Variants in RFX2 observed in about 807,000 individuals in gnomAD.
RFX2 encodes the protein regulatory factor X2, also known as DNA-binding protein RFX2.
RFX2 carries 20 observed loss-of-function variants against 87.8 expected under a neutral mutation model. That is an observed-to-expected ratio of 0.23 (90% CI 0.16 to 0.33). The LOEUF (loss-of-function observed/expected upper bound fraction) is 0.33. Ranked by LOEUF, RFX2 falls within the 10% of genes least tolerant of loss-of-function variation. The pLI, the probability that RFX2 is intolerant of heterozygous loss-of-function variation, is 1.00. For missense variants in RFX2, 767 were observed against 1,012.3 expected, an observed-to-expected ratio of 0.76 and a Z score of 3.29; for synonymous variants, 397 against 431.3, an observed-to-expected ratio of 0.92 and a Z score of 0.98.
rs2086892988 is a variant in RFX2 at position 6,026,706 on chromosome 19, G to C, written c.523-469C>G. 5.5e-6 allele frequency: 1 copy of C among 181,638 alleles called. No individual in the cohort carries two copies. The highest frequency in any genetic ancestry group is 2.4e-5 in the African/African-American group (1 of 41,656). 11.3% of individuals were successfully genotyped at this position (181,638 alleles called of 1,614,324 possible). A position where few individuals can be genotyped will look rare whatever the true frequency, so the allele number is the denominator to read the frequency against. On this transcript the variant is annotated intron_variant, in intron 5 of 17. Transcript: ENST00000303657. The surrounding 1 kb of genome is among the most constrained non-coding windows in gnomAD (Gnocchi z 4.5). Reference sequence around the variant, plus strand: ...CCAGGCTGTCCTGTCGCAAATCCCAGGGTCTCCCCGCTGCTGGAGGCTTTG... The same window carrying C: ...CCAGGCTGTCCTGTCGCAAATCCCACGGTCTCCCCGCTGCTGGAGGCTTTG...
chr19:6,001,429 G>GT lies in RFX2; in HGVS notation c.1859+385dup, dbSNP rs2086488606. 6.6e-6 allele frequency among the ~76,000 whole-genome samples: 1 copy of GT among 152,090 alleles called. No individual in the cohort carries two copies. Among genetic ancestry groups the GT allele is most frequent in the East Asian group, 1.9e-4 (1 of 5,188 alleles). ...GGCACATGCCACCACGTCCAGCTAA[G>GT]TTTTTTTACTTTTTGTAGAGGTCCT... On this transcript the variant is annotated intron_variant, in intron 15 of 17. Coordinates refer to ENST00000303657, the MANE Select transcript of RFX2 (RefSeq NM_000635.4). This position sits in a 1 kb window ranked among gnomAD's most constrained non-coding sequence, Gnocchi z 5.6.
Position 5,997,387 on chromosome 19 carries a change from T to C in RFX2, c.1860-174A>G. On this transcript the variant is annotated intron_variant, in intron 15 of 17. Coordinates refer to ENST00000303657, the MANE Select transcript of RFX2 (RefSeq NM_000635.4). This position sits in a 1 kb window ranked among gnomAD's most constrained non-coding sequence, Gnocchi z 4.2. ...GGGGGCTGACGGGCTGCCGAGACCCTGGGCCCACGTGACGGACAGGTGGGG... is the reference window on the plus strand; with the variant it reads ...GGGGGCTGACGGGCTGCCGAGACCCCGGGCCCACGTGACGGACAGGTGGGG... The C allele has an allele frequency of 1.4e-6, 1 of 700,152 alleles. No individual in the cohort carries two copies. The highest frequency in any genetic ancestry group is 2.3e-6 in the Non-Finnish European group (1 of 442,076). 43.4% of individuals were successfully genotyped at this position (700,152 alleles called of 1,614,324 possible).
rs559380091 is a variant in RFX2, at chr19:6,047,678, A to G, written c.-8-174T>C. On this transcript the variant is annotated intron_variant, in intron 1 of 17. Coordinates refer to ENST00000303657, the MANE Select transcript of RFX2 (RefSeq NM_000635.4). This position sits in a 1 kb window ranked among gnomAD's most constrained non-coding sequence, Gnocchi z 4.2. Reference sequence around the variant, plus strand: ...AGGAGCTGCGGAAACAGGCTGCACAACTGTCCCACAGAAGGAGAGAGGGGC... The same window carrying G: ...AGGAGCTGCGGAAACAGGCTGCACAGCTGTCCCACAGAAGGAGAGAGGGGC... Among the ~76,000 whole-genome samples, 12 of 152,332 alleles carry G rather than the reference A, an allele frequency of 7.9e-5. No individual in the cohort carries two copies. The highest frequency in any genetic ancestry group is 1.6e-4 in the Non-Finnish European group (11 of 68,016).
At chr19:6,059,141 G>A (rs1056166704) in intron 1 of RFX2, among the ~76,000 whole-genome samples, 33 of 152,090 alleles carry the variant, frequency 2.2e-4, no homozygotes, top group African/African-American at 2.2e-4. Flanking sequence ...CAGCACGCCC[G>A]GCTAATTTTT....
intron 7 of RFX2, among the ~76,000 whole-genome samples, chr19:6,015,378 G>T (rs777250551): frequency 6.6e-6 from 1 of 151,990 alleles, no homozygotes. Context: ...GCAGTGAGCC[G>T]AGATGACGCC....
chr19:6,026,375 G>A lies in RFX2; in HGVS notation c.523-138C>T. The A allele has an allele frequency of 1.4e-6, 1 of 734,192 alleles. No homozygotes were observed. The highest frequency in any genetic ancestry group is 2.3e-6 in the Non-Finnish European group (1 of 443,902). 45.5% of individuals were successfully genotyped at this position (734,192 alleles called of 1,614,324 possible). ...CGAGCTCCTACAAAATAAAAATGAG[G>A]CTCCACGCAGGCAGGGCGGGGGTGA... On this transcript the variant is annotated intron_variant, in intron 5 of 17. Coordinates refer to ENST00000303657, the MANE Select transcript of RFX2 (RefSeq NM_000635.4). The surrounding 1 kb of genome is among the most constrained non-coding windows in gnomAD (Gnocchi z 4.5).
chr19:6,007,239 AGAGCCG>A lies in RFX2; in HGVS notation c.1248-79_1248-74del. 1.3e-6 allele frequency: 2 copies of A among 1,509,526 alleles called. No homozygotes were observed. The highest frequency in any genetic ancestry group is 2.4e-5 in the South Asian group (2 of 84,106). 93.5% of individuals were successfully genotyped at this position (1,509,526 alleles called of 1,614,324 possible). A position where few individuals can be genotyped will look rare whatever the true frequency, so the allele number is the denominator to read the frequency against. ...CTCACTCAGCCACGGGAGCGAGCAG[AGAGCCG>A]GGCTGCGGGACTTTTGCCCAACAGT... is the stretch of plus-strand genomic sequence containing the variant. On this transcript the variant is annotated intron_variant, in intron 11 of 17. Coordinates refer to ENST00000303657, the MANE Select transcript of RFX2 (RefSeq NM_000635.4). This position sits in a 1 kb window ranked among gnomAD's most constrained non-coding sequence, Gnocchi z 8.2.
At chr19:6,030,742 TA>T (rs2086944123) in intron 5 of RFX2, among the ~76,000 whole-genome samples, 1 of 152,362 alleles carries the variant, frequency 6.6e-6, no homozygotes, top group East Asian at 1.9e-4. Context: ...TGGTGAATTT[TA>T]TGTTACATAC....
At chr19:6,028,046 G>A (rs2086912614) in intron 5 of RFX2, among the ~76,000 whole-genome samples, 1 of 152,134 alleles carries the variant, frequency 6.6e-6, no homozygotes, top group Non-Finnish European at 1.5e-5. Flanking sequence ...ACAGGCATAA[G>A]CTACCACACC....
At chr19:6,014,732 C>A (rs1026731967) in intron 7 of RFX2, among the ~76,000 whole-genome samples, 9 of 152,210 alleles carry the variant, frequency 5.9e-5, no homozygotes, top group Non-Finnish European at 1.2e-4. Flanking sequence ...GACCAGGCTT[C>A]CCTGTGGCTT....
chr19:6,038,773 A>T (rs891594767), intron 5 of RFX2, among the ~76,000 whole-genome samples: 1 of 152,208 alleles, frequency 6.6e-6, no homozygotes, highest in Non-Finnish European at 1.5e-5. Flanking sequence ...ACAATGAGGT[A>T]CCACCACACA....
chr19:5,997,661 C>T lies in RFX2; in HGVS notation c.1860-448G>A, dbSNP rs1206758888. On this transcript the variant is annotated intron_variant, in intron 15 of 17. Transcript: ENST00000303657. The surrounding 1 kb of genome is among the most constrained non-coding windows in gnomAD (Gnocchi z 4.2). ...CCTTCCCCGTATCCTTGCCACCTCC[C>T]GCCATTCCTCAGCCTGTGGTTTCAG... Among the ~76,000 whole-genome samples the T allele has an allele frequency of 3.3e-5, 5 of 152,280 alleles. No individual in the cohort carries two copies. Among genetic ancestry groups the T allele is most frequent in the South Asian group, 2.1e-4 (1 of 4,816 alleles).
At position 6,056,250 on chromosome 19, in the gene RFX2, C is replaced by A. The variant is rs2087338974; in HGVS notation, c.-8-8746G>T. ...AGGACGGAGAGTGGGTACAGGTATC[C>A]AGGTGTTATAAGAATGGCAGGACCC... is the stretch of plus-strand genomic sequence containing the variant. On this transcript the variant is annotated intron_variant, in intron 1 of 17. Coordinates refer to ENST00000303657, the MANE Select transcript of RFX2 (RefSeq NM_000635.4). This position sits in a 1 kb window ranked among gnomAD's most constrained non-coding sequence, Gnocchi z 4.6. Among the ~76,000 whole-genome samples the A allele has an allele frequency of 6.6e-6, 1 of 152,098 alleles. No individual in the cohort carries two copies. The highest frequency in any genetic ancestry group is 1.5e-5 in the Non-Finnish European group (1 of 68,016).
At chr19:6,036,529 A>G (rs532195635) in intron 5 of RFX2, among the ~76,000 whole-genome samples, 2 of 152,312 alleles carry the variant, frequency 1.3e-5, no homozygotes, top group East Asian at 3.9e-4. Context: ...AGGCTAAACC[A>G]CCACCTTCTA....
chr19:5,994,590 T>C lies in RFX2; in HGVS notation c.*245A>G, dbSNP rs2086377353. The C allele has an allele frequency of 1.8e-6, 1 of 545,900 alleles. No homozygotes were observed. Among genetic ancestry groups the C allele is most frequent in the Admixed American group, 3.1e-5 (1 of 32,418 alleles). The allele number at this position is 545,900 out of a possible 1,614,324, so 33.8% of individuals were successfully genotyped here. On this transcript the variant is annotated 3_prime_UTR_variant, in exon 18 of 18. Transcript: ENST00000303657. Reference sequence around the variant, plus strand: ...AGGAACCCATGGTCTGGTGGGGCCCTGGTGGCTGCGCAGGGACCTGGGGAC... The same window carrying C: ...AGGAACCCATGGTCTGGTGGGGCCCCGGTGGCTGCGCAGGGACCTGGGGAC...
In RFX2 at chr19:6,012,854, G is replaced by A; in HGVS notation, c.899+132C>T. The stretch of plus-strand genomic sequence containing the variant: ...CTAGACTCACCTCAGTCTCAGCAGA[G>A]GGGGATACCTTGGCTTTCCCAGGAT... On this transcript the variant is annotated intron_variant, in intron 8 of 17. Transcript: ENST00000303657. This position sits in a 1 kb window ranked among gnomAD's most constrained non-coding sequence, Gnocchi z 4.6. 1.1e-6 allele frequency: 1 copy of A among 896,102 alleles called. No individual in the cohort carries two copies. The highest frequency in any genetic ancestry group is 3.3e-5 in the South Asian group (1 of 30,704). 55.5% of individuals were successfully genotyped at this position (896,102 alleles called of 1,614,324 possible).
intron 1 of RFX2, among the ~76,000 whole-genome samples, chr19:6,062,279 C>G (rs1428476583): frequency 1.3e-5 from 2 of 152,212 alleles, no homozygotes; most frequent in African/African-American, 4.8e-5. Flanking sequence ...GGTGGCCAGA[C>G]CGAGCCCCAG....
At chr19:6,072,680 G>T in intron 1 of RFX2, 1 of 386,670 alleles carries the variant, frequency 2.6e-6, no homozygotes, top group Non-Finnish European at 4.8e-6. Context: ...ACTCCAGCCT[G>T]GGCGACAGAG....
At position 6,047,231 on chromosome 19, in the gene RFX2, A is replaced by G. The variant is rs183498775; in HGVS notation, c.90+176T>C. ...ATGGGATCTTTTTAACAAATATTGA[A>G]AAAGCCAAATACAGTTAAGGAAATT... On this transcript the variant is annotated intron_variant, in intron 2 of 17. Coordinates refer to ENST00000303657, the MANE Select transcript of RFX2 (RefSeq NM_000635.4). This position sits in a 1 kb window ranked among gnomAD's most constrained non-coding sequence, Gnocchi z 4.2. 7.9e-5 allele frequency among the ~76,000 whole-genome samples: 12 copies of G among 152,368 alleles called. No homozygotes were observed. The highest frequency in any genetic ancestry group is 6.5e-4 in the Admixed American group (10 of 15,308).
Sources: allele counts gnomAD v4.1 joint callset (sites outside exome capture counted in the v4.1 genomes callset), GRCh38; gene constraint gnomAD v4.1.1; non-coding constraint Gnocchi (gnomAD v3.1); transcripts MANE v1.5; gene names NCBI Gene and HGNC (gene_info 2026-07-23, HGNC 2026-07-21).